The following APOL3 variants were observed in gnomAD, a reference collection of about 807,000 sequenced individuals.
The protein encoded by APOL3 is apolipoprotein L3.
APOL3 carries 14 observed loss-of-function variants against 11.6 expected under a neutral mutation model. That is an observed-to-expected ratio of 1.21 (90% confidence interval 0.80 to 1.89). The LOEUF is 1.89. APOL3 is among the 40% of genes most tolerant of loss of function. The probability of loss-of-function intolerance (pLI) is 0.00; values close to 1 mark genes in which losing one functional copy is unlikely to be tolerated. For missense variants in APOL3, 483 were observed against 492.1 expected, an observed-to-expected ratio of 0.98 and a Z score of 0.17; for synonymous variants, 192 against 190.6, an observed-to-expected ratio of 1.01 and a Z score of -0.06.
At chr22:36,157,907 A>G (rs1380521503) in intron 1 of APOL3, among the ~76,000 whole-genome samples, 3 of 152,136 alleles carry the variant, frequency 2.0e-5, no homozygotes, top group Non-Finnish European at 4.4e-5. Flanking sequence ...AAAATTTGCC[A>G]GGTGTGGAGG....
rs1182012177 is a variant in APOL3, at chr22:36,160,770, T to C, written c.122A>G (p.Glu41Gly). The C allele has an allele frequency of 6.2e-7, 1 of 1,614,030 alleles. No homozygotes were observed. Among genetic ancestry groups the C allele is most frequent in the Non-Finnish European group, 8.5e-7 (1 of 1,180,032 alleles). The change falls in exon 1 of 3, where the codon GAG becomes GGG. Residue 41 changes from glutamate to glycine, a missense_variant. Physicochemically the swap from Glu to Gly is moderately conservative, Grantham distance 98. Coordinates refer to ENST00000349314, the Ensembl canonical transcript of APOL3. ...ATCTGCATAATAACCAGACACGTTC[T>C]CCAGGCTCTGAGATATACCCTGGAA...
At chr22:36,141,274 C>A in exon 3 of APOL3, 2 of 1,614,144 alleles carry the variant, frequency 1.2e-6, no homozygotes, top group Non-Finnish European at 8.5e-7. Flanking sequence ...AGCTCCTGAG[C>A]CTGCCGCCTC....
chr22:36,142,201 TTAAA>T lies in APOL3; in HGVS notation c.351-147_351-144del, dbSNP rs2060023378. 1.0e-5 allele frequency: 10 copies of T among 994,418 alleles called. No individual in the cohort carries two copies. In the South Asian group the frequency reaches 1.5e-4, roughly 15 times the overall value. The allele number at this position is 994,418 out of a possible 1,614,324, so 61.6% of individuals were successfully genotyped here. A position where few individuals can be genotyped will look rare whatever the true frequency, so the allele number is the denominator to read the frequency against. ...AGCTTTAAATTTTAAATGGAAAAAT[TTAAA>T]ATAATTTTTCCAAGGTTAAACATGT... is the stretch of plus-strand genomic sequence containing the variant. On this transcript the variant is annotated intron_variant, in intron 2 of 2. Transcript: ENST00000349314.
At chr22:36,164,763 C>T, upstream of APOL3, 1 of 152,178 alleles carries the variant, frequency 6.6e-6, no homozygotes, top group Non-Finnish European at 1.5e-5. Context: ...CGGGCAAAAT[C>T]ATTGCAAAAA....
At chr22:36,142,155 C>T in intron 2 of APOL3, 97 bp from the exon 4 acceptor site, 1 of 1,327,088 alleles carries the variant, frequency 7.5e-7, no homozygotes, top group Non-Finnish European at 1.0e-6. Context: ...AGAGCTATTA[C>T]TATGAGTCAA....
chr22:36,141,240 G>A, exon 3 of APOL3: 1 of 1,614,112 alleles, frequency 6.2e-7, no homozygotes, highest in Non-Finnish European at 8.5e-7. Flanking sequence ...ATAGATCTGA[G>A]TGAGCTCCAT....
chr22:36,152,222 G>A (rs572491770), intron 1 of APOL3, among the ~76,000 whole-genome samples: 1 of 152,190 alleles, frequency 6.6e-6, no homozygotes, highest in Non-Finnish European at 1.5e-5. Context: ...GAAAAACTGA[G>A]GAAATCATGA....
intron 1 of APOL3, among the ~76,000 whole-genome samples, chr22:36,160,026 C>T (rs2013531931): frequency 6.6e-6 from 1 of 152,116 alleles, no homozygotes; most frequent in African/African-American, 2.4e-5. Flanking sequence ...GGATTACTGG[C>T]TTGTGCCACC....
At chr22:36,155,799 C>A (rs1569529731) in intron 1 of APOL3, 1 of 156,692 alleles carries the variant, frequency 6.4e-6, no homozygotes, top group Non-Finnish European at 1.4e-5. Flanking sequence ...GGAATCTTGT[C>A]TGGGGCATCC....
chr22:36,161,389 A>C, upstream of APOL3: 1 of 177,932 alleles, frequency 5.6e-6, no homozygotes, highest in Non-Finnish European at 1.2e-5. Flanking sequence ...AAATCTTACT[A>C]TTTTTACCAG....
At chr22:36,148,936 G>T in intron 1 of APOL3, 110 bp downstream of exon 2, 2 of 1,094,904 alleles carry the variant, frequency 1.8e-6, no homozygotes, top group Non-Finnish European at 2.6e-6. Flanking sequence ...AGACTCATCG[G>T]CCTGCTTGAC....
At chr22:36,150,253 C>T (rs2060384109) in intron 1 of APOL3, among the ~76,000 whole-genome samples, 1 of 152,168 alleles carries the variant, frequency 6.6e-6, no homozygotes, top group African/African-American at 2.4e-5. Context: ...CATTTATTGA[C>T]TATCCCTTCA....
chr22:36,142,098 A>G (rs1569528801), intron 2 of APOL3, 40 bp from the exon 4 acceptor site: 1 of 1,546,386 alleles, frequency 6.5e-7, no homozygotes, highest in African/African-American at 1.4e-5. Context: ...AAGGCAGCTT[A>G]CTTATCTGTA....
At chr22:36,163,403 G>A (rs753767212), upstream of APOL3, among the ~76,000 whole-genome samples, 32 of 152,182 alleles carry the variant, frequency 2.1e-4, no homozygotes, top group Non-Finnish European at 4.7e-4. Flanking sequence ...CACCCTTTTG[G>A]GCACTCACCC....
intron 1 of APOL3, 85 bp downstream of exon 1, chr22:36,160,584 C>A: frequency 1.4e-6 from 2 of 1,415,392 alleles, no homozygotes; most frequent in Non-Finnish European, 2.0e-6. Context: ...TCTCTGAGCT[C>A]ATCTACAAAA....
chr22:36,151,895 G>C (rs2011763787), intron 1 of APOL3, among the ~76,000 whole-genome samples: 1 of 152,134 alleles, frequency 6.6e-6, no homozygotes, highest in Non-Finnish European at 1.5e-5. Flanking sequence ...CACAGAGCAA[G>C]ACCCTGTCTC....
intron 1 of APOL3, chr22:36,149,895 G>A (rs1445281533): frequency 4.4e-6 from 2 of 456,200 alleles, no homozygotes; most frequent in Admixed American, 2.3e-5. Flanking sequence ...CTGCCTGTAT[G>A]TCCTGGCTGC....
At chr22:36,153,375 T>C (rs957273598) in intron 1 of APOL3, 1 of 455,986 alleles carries the variant, frequency 2.2e-6, no homozygotes, top group Middle Eastern at 3.2e-4. Context: ...TGCCTCCTGA[T>C]GGGAGAAATG....
At chr22:36,161,387 C>T, upstream of APOL3, 1 of 180,552 alleles carries the variant, frequency 5.5e-6, no homozygotes. Flanking sequence ...TGAAATCTTA[C>T]TATTTTTACC....
Sources: gnomAD v4.1 joint callset for allele counts (sites outside exome capture counted in the v4.1 genomes callset) on GRCh38, gnomAD v4.1.1 for gene constraint, MANE v1.5 for transcripts, NCBI Gene and HGNC (gene_info 2026-07-23, HGNC 2026-07-21) for gene names.